TRIM2: variants seen among roughly 807,000 people sequenced by gnomAD.
TRIM2 encodes tripartite motif-containing protein 2.
Under a neutral mutation model 75.2 loss-of-function variants are expected in TRIM2, and 20 were observed. The ratio of observed to expected loss-of-function variants is 0.27; its 90% CI spans 0.19 to 0.39. The LOEUF (loss-of-function observed/expected upper bound fraction) is 0.39. Among genes scored for constraint, TRIM2 ranks in the 10% least tolerant of loss-of-function variants. The probability of loss-of-function intolerance (pLI) is 1.00; values close to 1 mark genes in which losing one functional copy is unlikely to be tolerated. For synonymous variants in TRIM2, 373 were observed against 388.3 expected, an observed-to-expected ratio of 0.96 and a Z score of 0.46; for missense variants, 660 against 990.8, an observed-to-expected ratio of 0.67 and a Z score of 4.48.
At chr4:153,305,673 CT>C (rs1764817962) in intron 6 of TRIM2, among the ~76,000 whole-genome samples, 1 of 152,190 alleles carries the variant, frequency 6.6e-6, no homozygotes, top group Non-Finnish European at 1.5e-5. Flanking sequence ...GCTCAGCTCC[CT>C]TTTAAAACAA....
At chr4:153,327,062 A>C (rs549409801) in intron 10 of TRIM2, among the ~76,000 whole-genome samples, 1 of 152,242 alleles carries the variant, frequency 6.6e-6, no homozygotes, top group Admixed American at 6.5e-5. Context: ...AGAGAATAAT[A>C]AATTGTGTCC....
At chr4:153,327,397 A>G (rs1157830527) in intron 10 of TRIM2, among the ~76,000 whole-genome samples, 1 of 152,220 alleles carries the variant, frequency 6.6e-6, no homozygotes, top group Non-Finnish European at 1.5e-5. Context: ...TGGCTCTCTA[A>G]AAGGTCTTGA....
At chr4:153,176,809 C>G (rs1002122251) in intron 1 of TRIM2, among the ~76,000 whole-genome samples, 1 of 152,104 alleles carries the variant, frequency 6.6e-6, no homozygotes, top group Non-Finnish European at 1.5e-5. Flanking sequence ...CAGGGTTTCA[C>G]CATGTTGGCC....
chr4:153,315,920 T>C lies in TRIM2; in HGVS notation c.1703T>C (p.Val568Ala). ...CTGCAGCGGCCCACAGGAGTGGCTG[T>C]ACATCCCAGTGGGGACATAATCATT... ...GQLQRPTGVA[V>A]HPSGDIIIAD... is the part of the protein sequence containing the mutation. Residue 568 changes from valine to alanine, a missense_variant, in exon 8 of 12, where the codon GTA (valine) becomes GCA (alanine). Physicochemically the swap from Val to Ala is moderately conservative, Grantham distance 64. This residue lies in a region of TRIM2 where 620 missense variants were observed against 891.0 expected (regional missense o/e 0.70). Transcript: ENST00000338700. 6.2e-7 allele frequency: 1 copy of C among 1,613,768 alleles called. No homozygotes were observed. Among genetic ancestry groups the C allele is most frequent in the South Asian group, 1.1e-5 (1 of 91,006 alleles).
At chr4:153,317,501 T>G (rs1398694581) in intron 8 of TRIM2, among the ~76,000 whole-genome samples, 2 of 151,012 alleles carry the variant, frequency 1.3e-5, no homozygotes, top group African/African-American at 2.4e-5. Flanking sequence ...ACAAAAAAAT[T>G]AGCCGGCCGT....
chr4:153,327,521 G>T (rs975621025), intron 10 of TRIM2, among the ~76,000 whole-genome samples: 1 of 152,170 alleles, frequency 6.6e-6, no homozygotes, highest in Admixed American at 6.5e-5. Flanking sequence ...ATTTGTCAAT[G>T]AATATTTCTA....
chr4:153,172,428 C>T (rs1268585066), intron 1 of TRIM2, among the ~76,000 whole-genome samples: 1 of 152,198 alleles, frequency 6.6e-6, no homozygotes, highest in Non-Finnish European at 1.5e-5. Context: ...ACCCCATGAT[C>T]CGCCCGCCTT....
In TRIM2 at chr4:153,271,815, C is replaced by T. The variant is rs529365695; in HGVS notation, c.215+1296C>T. ...AGATCGTTACCTGATGTGCAGCAGTCGGCATAGCTTGGCTGATACTCTCTA... is the reference window on the plus strand; with the variant it reads ...AGATCGTTACCTGATGTGCAGCAGTTGGCATAGCTTGGCTGATACTCTCTA... On this transcript the variant is annotated intron_variant, in intron 2 of 11. Coordinates refer to ENST00000338700, the MANE Select transcript of TRIM2 (RefSeq NM_015271.5). 5.9e-5 allele frequency among the ~76,000 whole-genome samples: 9 copies of T among 152,252 alleles called. No homozygotes were observed. In the South Asian group the frequency reaches 1.7e-3, roughly 28 times the overall value.
At chr4:153,254,044 C>T (rs751253849) in intron 1 of TRIM2, among the ~76,000 whole-genome samples, 3 of 152,088 alleles carry the variant, frequency 2.0e-5, no homozygotes, top group Non-Finnish European at 4.4e-5. Context: ...GGATCGGGAC[C>T]GCTTTCCAGT....
chr4:153,305,190 C>A (rs1337413303), intron 6 of TRIM2, among the ~76,000 whole-genome samples: 1 of 152,156 alleles, frequency 6.6e-6, no homozygotes, highest in East Asian at 1.9e-4. Context: ...GCTAGACTGC[C>A]CCAACACTGC....
chr4:153,258,103 GA>G (rs369756196), intron 1 of TRIM2, among the ~76,000 whole-genome samples: 6 of 152,258 alleles, frequency 3.9e-5, no homozygotes, highest in African/African-American at 1.4e-4. Context: ...TGAAATATTT[GA>G]TTTGCAGGAT....
intron 3 of TRIM2, among the ~76,000 whole-genome samples, chr4:153,285,900 A>G (rs1362379922): frequency 1.3e-5 from 2 of 152,160 alleles, no homozygotes; most frequent in Non-Finnish European, 2.9e-5. Context: ...CCTGGTCAGC[A>G]CCTTCAGTAC....
intron 6 of TRIM2, among the ~76,000 whole-genome samples, chr4:153,297,852 C>T (rs2150153811): frequency 6.6e-6 from 1 of 152,310 alleles, no homozygotes; most frequent in Non-Finnish European, 1.5e-5. Context: ...CTTAAGGTTG[C>T]TGTTGGGGGT....
chr4:153,243,597 G>T (rs1747242773), intron 1 of TRIM2, among the ~76,000 whole-genome samples: 1 of 152,172 alleles, frequency 6.6e-6, no homozygotes, highest in African/African-American at 2.4e-5. Flanking sequence ...TGTTATCTAT[G>T]ACTCAAACTA....
Position 153,222,556 on chromosome 4 carries a change from C to G in TRIM2, c.30+17996C>G, listed in dbSNP as rs560993367. ...TGCTCTTTGTGCGGGGATTAGCTGT[C>G]GTGCCGGGCCTGAAAATGCTGCGAG... On this transcript the variant is annotated intron_variant, in intron 1 of 11. Coordinates refer to ENST00000338700, the MANE Select transcript of TRIM2 (RefSeq NM_015271.5). The G allele has an allele frequency of 1.1e-3, 172 of 152,244 alleles. 1 individual carries two copies. The highest frequency in any genetic ancestry group is 3.9e-3 in the African/African-American group (164 of 41,540). The allele number at this position is 152,244 out of a possible 1,614,324, so 9.4% of individuals were successfully genotyped here. A position where few individuals can be genotyped will look rare whatever the true frequency, so the allele number is the denominator to read the frequency against.
In TRIM2 at chr4:153,315,884, C is replaced by A; in HGVS notation, c.1667C>A (p.Ser556Tyr). 6.2e-7 allele frequency: 1 copy of A among 1,614,178 alleles called. No individual in the cohort carries two copies. Among genetic ancestry groups the A allele is most frequent in the Non-Finnish European group, 8.5e-7 (1 of 1,180,028 alleles). ...FKSRFGIRGR[S>Y]PGQLQRPTGV... The stretch of plus-strand genomic sequence containing the variant: ...AGTCGTTTTGGCATACGGGGACGCT[C>A]TCCGGGGCAGCTGCAGCGGCCCACA... The change falls in exon 8 of 12, where the codon TCT becomes TAT. Residue 556 changes from serine to tyrosine, a missense_variant. By Grantham distance (144) the Ser-to-Tyr change is moderately radical. Coordinates refer to ENST00000338700, the MANE Select transcript of TRIM2 (RefSeq NM_015271.5).
chr4:153,203,207 T>A (rs76174734), upstream of TRIM2, among the ~76,000 whole-genome samples: 5 of 151,492 alleles, frequency 3.3e-5, no homozygotes, highest in African/African-American at 1.2e-4. Context: ...ACTTCTGATA[T>A]GTTTGATCAA....
At chr4:153,191,171 G>A (rs906278585) in intron 1 of TRIM2, among the ~76,000 whole-genome samples, 1 of 152,190 alleles carries the variant, frequency 6.6e-6, no homozygotes, top group Non-Finnish European at 1.5e-5. Flanking sequence ...CCTATCTTAT[G>A]GAGTCAAGCA....
intron 8 of TRIM2, among the ~76,000 whole-genome samples, chr4:153,319,896 T>G (rs1768553316): frequency 6.6e-6 from 1 of 152,150 alleles, no homozygotes; most frequent in South Asian, 2.1e-4. Context: ...GTTCAATGTT[T>G]AAGTTATTCT....
Sources: gnomAD v4.1 joint callset for allele counts (sites outside exome capture counted in the v4.1 genomes callset) on GRCh38, gnomAD v4.1.1 for gene constraint, gnomAD v4.1.1 regional missense constraint, MANE v1.5 for transcripts, NCBI Gene and HGNC (gene_info 2026-07-23, HGNC 2026-07-21) for gene names.